RBFOX1: variants seen among roughly 807,000 people sequenced by gnomAD.
RBFOX1 encodes the protein RNA binding protein fox-1 homolog 1.
Under a neutral mutation model 57.7 loss-of-function variants are expected in RBFOX1, and 8 were observed. The observed-to-expected ratio is 0.14, with a 90% CI of 0.08 to 0.25. RBFOX1 has a LOEUF of 0.25. Ranked by LOEUF, RBFOX1 falls within the 10% of genes least tolerant of loss-of-function variation. The probability of loss-of-function intolerance (pLI) is 1.00; values close to 1 mark genes in which losing one functional copy is unlikely to be tolerated. For missense variants in RBFOX1, 611 were observed against 548.5 expected, an observed-to-expected ratio of 1.11 and a Z score of -1.14; for synonymous variants, 326 against 222.4, an observed-to-expected ratio of 1.47 and a Z score of -4.15.
intron 3 of RBFOX1, among the ~76,000 whole-genome samples, chr16:6,804,866 C>T (rs1184671485): frequency 6.6e-6 from 1 of 152,104 alleles, no homozygotes; most frequent in Non-Finnish European, 1.5e-5. Context: ...CAATTTCATT[C>T]TTAAAAAGGC....
At chr16:6,394,922 A>G (rs1313918775) in intron 2 of RBFOX1, among the ~76,000 whole-genome samples, 1 of 152,188 alleles carries the variant, frequency 6.6e-6, no homozygotes, top group African/African-American at 2.4e-5. Flanking sequence ...TACTGTTTAA[A>G]ACCACTTTTG....
At chr16:7,325,558 A>G (rs1423573560) in intron 4 of RBFOX1, among the ~76,000 whole-genome samples, 1 of 152,196 alleles carries the variant, frequency 6.6e-6, no homozygotes, top group Non-Finnish European at 1.5e-5. Context: ...ACTAACTGAA[A>G]GCAGTCTCTA....
chr16:7,528,301 G>C (rs112344536), intron 5 of RBFOX1, among the ~76,000 whole-genome samples: 3 of 152,232 alleles, frequency 2.0e-5, no homozygotes, highest in African/African-American at 7.2e-5. Context: ...ATTGTCATCA[G>C]TTTACCCACT....
intron 6 of RBFOX1, among the ~76,000 whole-genome samples, chr16:7,581,916 T>C (rs972086121): frequency 9.9e-5 from 15 of 151,960 alleles, no homozygotes; most frequent in African/African-American, 2.7e-4. Context: ...GGGGTCTCAA[T>C]TTGTTGTCCA....
At chr16:6,728,609 GC>G (rs1434823895) in intron 3 of RBFOX1, among the ~76,000 whole-genome samples, 5 of 152,158 alleles carry the variant, frequency 3.3e-5, no homozygotes, top group African/African-American at 9.7e-5. Flanking sequence ...TTCAGAAGCT[GC>G]CTCATATTGG....
intron 14 of RBFOX1, among the ~76,000 whole-genome samples, chr16:7,706,058 G>A (rs540513898): frequency 1.3e-5 from 2 of 152,132 alleles, no homozygotes; most frequent in Non-Finnish European, 2.9e-5. Flanking sequence ...TCTCCGGGCT[G>A]TGCTTAGCCA....
At chr16:6,791,214 G>C (rs1413783728) in intron 3 of RBFOX1, among the ~76,000 whole-genome samples, 4 of 152,106 alleles carry the variant, frequency 2.6e-5, no homozygotes, top group Non-Finnish European at 5.9e-5. Context: ...GCCTGTTCTT[G>C]TCTATCTTTA....
chr16:6,742,374 C>T (rs1335771487), intron 3 of RBFOX1, among the ~76,000 whole-genome samples: 1 of 152,146 alleles, frequency 6.6e-6, no homozygotes, highest in East Asian at 1.9e-4. Flanking sequence ...CTCTCATATA[C>T]TGATGATGGC....
intron 4 of RBFOX1, among the ~76,000 whole-genome samples, chr16:5,961,735 C>G (rs1243025039): frequency 2.6e-5 from 4 of 151,980 alleles, no homozygotes; most frequent in Non-Finnish European, 5.9e-5. Context: ...GCTTTGTTGC[C>G]CAGGCTGGTC....
chr16:7,526,365 G>T (rs990509067), intron 5 of RBFOX1, among the ~76,000 whole-genome samples: 3 of 152,168 alleles, frequency 2.0e-5, no homozygotes, highest in Admixed American at 6.5e-5. Context: ...AAACAGGTCA[G>T]TTAAGGCCTG....
chr16:7,392,782 G>C (rs768452505), intron 4 of RBFOX1, among the ~76,000 whole-genome samples: 1 of 152,122 alleles, frequency 6.6e-6, no homozygotes, highest in Non-Finnish European at 1.5e-5. Context: ...AATTACTGTA[G>C]GGATGTCCTC....
intron 11 of RBFOX1, among the ~76,000 whole-genome samples, chr16:7,639,237 C>A (rs1156615362): frequency 6.6e-6 from 1 of 152,174 alleles, no homozygotes. Context: ...TACCCAGGAT[C>A]TTCTGTCTGA....
At chr16:7,019,652 G>C (rs557291661) in intron 3 of RBFOX1, among the ~76,000 whole-genome samples, 1 of 152,210 alleles carries the variant, frequency 6.6e-6, no homozygotes, top group Non-Finnish European at 1.5e-5. Context: ...CCTAGGCTAG[G>C]CCATTACTGG....
intron 4 of RBFOX1, among the ~76,000 whole-genome samples, chr16:7,079,694 A>T (rs1392763296): frequency 6.6e-6 from 1 of 152,128 alleles, no homozygotes; most frequent in East Asian, 1.9e-4. Flanking sequence ...TGCATGGCAA[A>T]TGGAGGCTTT....
At chr16:6,829,246 GAAAA>G (rs60363543) in intron 3 of RBFOX1, among the ~76,000 whole-genome samples, 3 of 141,478 alleles carry the variant, frequency 2.1e-5, no homozygotes, top group African/African-American at 2.6e-5. Flanking sequence ...AATGCAGTCA[GAAAA>G]AAAAAAAAAA....
chr16:6,245,993 TC>T (rs1451547217), intron 1 of RBFOX1, among the ~76,000 whole-genome samples: 1 of 152,254 alleles, frequency 6.6e-6, no homozygotes, highest in Non-Finnish European at 1.5e-5. Context: ...TTCTAAATGC[TC>T]TTTAACTTCA....
intron 1 of RBFOX1, among the ~76,000 whole-genome samples, chr16:6,199,751 C>T (rs1375850031): frequency 1.3e-5 from 2 of 152,124 alleles, no homozygotes; most frequent in Non-Finnish European, 1.5e-5. Context: ...AGAAGTAGAA[C>T]TTTATAGACA....
chr16:5,603,656 T>A (rs373041512), downstream of RBFOX1, among the ~76,000 whole-genome samples: 147 of 152,228 alleles, frequency 9.7e-4, 3 homozygotes, highest in South Asian at 0.029. Flanking sequence ...TTAGAAAAAA[T>A]GAGGGTCTTT....
intron 3 of RBFOX1, among the ~76,000 whole-genome samples, chr16:5,833,501 A>AG (rs1229890766): frequency 6.6e-6 from 1 of 151,618 alleles, no homozygotes; most frequent in East Asian, 1.9e-4. Context: ...TCTCAAAAAA[A>AG]AAAAAAAAAA....
Sources: gnomAD v4.1 joint callset for allele counts (sites outside exome capture counted in the v4.1 genomes callset) on GRCh38, gnomAD v4.1.1 for gene constraint, MANE v1.5 for transcripts, NCBI Gene and HGNC (gene_info 2026-07-23, HGNC 2026-07-21) for gene names.